Variants in YAP1 observed in about 807,000 individuals in gnomAD.
YAP1 encodes the protein Yes1 associated transcriptional regulator.
YAP1 carries 5 observed loss-of-function variants against 56.9 expected under a neutral mutation model. The ratio of observed to expected loss-of-function variants is 0.09; its 90% CI spans 0.05 to 0.18. YAP1 has a LOEUF of 0.18. Among genes scored for constraint, YAP1 ranks in the 10% least tolerant of loss-of-function variants. The pLI, the probability that YAP1 is intolerant of heterozygous loss-of-function variation, is 1.00. For missense variants in YAP1, 539 were observed against 651.8 expected (o/e 0.83, Z 1.88); for synonymous variants, 265 against 248.1 (o/e 1.07, Z -0.64).
chr11:102,212,536 A>G (rs1949452141), intron 6 of YAP1, among the ~76,000 whole-genome samples: 1 of 152,130 alleles, frequency 6.6e-6, no homozygotes, highest in African/African-American at 2.4e-5. Flanking sequence ...AGGATTTTGG[A>G]AAAATTCATC....
chr11:102,114,525 G>C, intron 2 of YAP1, 131 bp downstream of exon 2: 1 of 1,134,642 alleles, frequency 8.8e-7, no homozygotes, highest in Non-Finnish European at 1.2e-6. Context: ...AAGCTCTGTA[G>C]CTCTATCTTC....
At position 102,232,285 on chromosome 11, in the gene YAP1, G is replaced by T. The variant is rs1176403305; in HGVS notation, c.*2345G>T. ...GGGGAGGGTGGGAAAGTTTGGGGGG[G>T]GGGTTGTGAAGATTTAGGGGGACCT... On this transcript the variant is annotated 3_prime_UTR_variant, in exon 9 of 9. Transcript: ENST00000282441. 6.8e-6 allele frequency: 1 copy of T among 146,892 alleles called. No homozygotes were observed. Among genetic ancestry groups the T allele is most frequent in the South Asian group, 2.3e-4 (1 of 4,362 alleles). 9.1% of individuals were successfully genotyped at this position (146,892 alleles called of 1,614,324 possible).
intron 1 of YAP1, chr11:102,112,750 G>T: frequency 1.0e-6 from 1 of 985,380 alleles, no homozygotes; most frequent in Non-Finnish European, 1.2e-6. Context: ...TCTTAGGTAT[G>T]CTTTTTTCTC....
At chr11:102,227,363 C>G (rs971107423) in intron 7 of YAP1, 106 bp from the exon 8 acceptor site, 15 of 773,884 alleles carry the variant, frequency 1.9e-5, no homozygotes, top group Non-Finnish European at 3.2e-5. Context: ...GGAATTTTCA[C>G]TAATCCTCTT....
intron 2 of YAP1, among the ~76,000 whole-genome samples, chr11:102,129,795 CT>C (rs773044206): frequency 0.012 from 1,243 of 102,044 alleles, 7 homozygotes; most frequent in African/African-American, 0.026. Context: ...GGAAGCAAAA[CT>C]TTTTTTTTTT....
At chr11:102,228,970 T>A (rs1950336320) in intron 8 of YAP1, among the ~76,000 whole-genome samples, 1 of 152,212 alleles carries the variant, frequency 6.6e-6, no homozygotes, top group South Asian at 2.1e-4. Flanking sequence ...TAGGAGCCAC[T>A]TCAAACCCAT....
Position 102,209,507 on chromosome 11 carries a change from T to C in YAP1, c.985-10T>C. On this transcript the variant is annotated splice_polypyrimidine_tract_variant and intron_variant, in intron 5 of 8. Transcript: ENST00000282441. ...AAGTAATTTTTATCCGTCTTATTTT[T>C]TACTCTTAGGCAATGCGGAATATCA... The C allele has an allele frequency of 6.2e-7, 1 of 1,604,852 alleles. No individual in the cohort carries two copies. The highest frequency in any genetic ancestry group is 1.1e-5 in the South Asian group (1 of 89,470).
intron 4 of YAP1, chr11:102,186,639 CT>C (rs1176569158): frequency 6.6e-6 from 1 of 152,480 alleles, no homozygotes; most frequent in Non-Finnish European, 1.5e-5. Context: ...ATTTTGCCCC[CT>C]CTTCTGTCTC....
chr11:102,227,773 A>G (rs1435666116), intron 8 of YAP1, among the ~76,000 whole-genome samples, 192 bp downstream of exon 8: 2 of 152,204 alleles, frequency 1.3e-5, no homozygotes, highest in Non-Finnish European at 2.9e-5. Context: ...TTAAAAAAAT[A>G]TATATCATGG....
At chr11:102,153,432 G>A (rs1945774821) in intron 2 of YAP1, among the ~76,000 whole-genome samples, 2 of 152,168 alleles carry the variant, frequency 1.3e-5, no homozygotes, top group Non-Finnish European at 2.9e-5. Flanking sequence ...AAAAAGGATA[G>A]CAGAGAAATC....
At chr11:102,187,091 C>T (rs1395811496) in intron 4 of YAP1, among the ~76,000 whole-genome samples, 1 of 152,084 alleles carries the variant, frequency 6.6e-6, no homozygotes, top group Non-Finnish European at 1.5e-5. Flanking sequence ...GGAATTAACT[C>T]TGTGAATGCC....
At chr11:102,175,917 G>C (rs1273837315) in intron 3 of YAP1, among the ~76,000 whole-genome samples, 1 of 152,174 alleles carries the variant, frequency 6.6e-6, no homozygotes, top group Non-Finnish European at 1.5e-5. Context: ...CAGCAAATTT[G>C]TATATAACTA....
In YAP1 at chr11:102,205,971, T is replaced by C. The variant is rs959429330; in HGVS notation, c.881T>C (p.Val294Ala). 2 of 1,613,356 alleles carry C rather than the reference T, an allele frequency of 1.2e-6. No individual in the cohort carries two copies. The highest frequency in any genetic ancestry group is 1.7e-6 in the Non-Finnish European group (2 of 1,179,890). ...PLAPQSPQGG[V>A]MGGSNSNQQQ... ...GCTCCCCAGAGCCCACAGGGAGGCGTCATGGGTGGCAGCAACTCCAACCAG... is the reference window on the plus strand; with the variant it reads ...GCTCCCCAGAGCCCACAGGGAGGCGCCATGGGTGGCAGCAACTCCAACCAG... Residue 294 changes from valine to alanine, a missense_variant, in exon 5 of 9, where the codon GTC becomes GCC. Around this residue, in one of 4 missense-constraint regions of YAP1, gnomAD observed 414 missense variants for 512.4 expected, o/e 0.81. Transcript: ENST00000282441.
chr11:102,205,813 T>A, intron 4 of YAP1, 80 bp from the exon 5 acceptor site: 1 of 1,361,966 alleles, frequency 7.3e-7, no homozygotes, highest in Non-Finnish European at 9.6e-7. Flanking sequence ...TATCCCAAAT[T>A]GCTTTTGAAT....
chr11:102,126,953 C>T (rs1591150814), intron 2 of YAP1, among the ~76,000 whole-genome samples: 1 of 152,168 alleles, frequency 6.6e-6, no homozygotes, highest in African/African-American at 2.4e-5. Context: ...TGGCAGTTTG[C>T]CCTTGCCCTA....
At chr11:102,126,873 G>A (rs1944064298) in intron 2 of YAP1, among the ~76,000 whole-genome samples, 1 of 152,228 alleles carries the variant, frequency 6.6e-6, no homozygotes, top group Admixed American at 6.5e-5. Context: ...GGTGGTCTCA[G>A]ATGGAAATGA....
chr11:102,184,615 C>T (rs1261850703), intron 3 of YAP1, among the ~76,000 whole-genome samples: 17 of 152,288 alleles, frequency 1.1e-4, no homozygotes, highest in Admixed American at 2.0e-4. Flanking sequence ...GTTCCTAATA[C>T]GAATGAAACT....
At chr11:102,162,640 A>T (rs1946359320) in intron 3 of YAP1, 69 bp downstream of exon 3, 4 of 1,455,244 alleles carry the variant, frequency 2.7e-6, no homozygotes, top group Non-Finnish European at 3.9e-6. Context: ...GATGTGGAAA[A>T]TAGTCATTAC....
intron 8 of YAP1, among the ~76,000 whole-genome samples, chr11:102,227,964 C>T (rs1348791595): frequency 6.6e-6 from 1 of 150,684 alleles, no homozygotes; most frequent in Non-Finnish European, 1.5e-5. Context: ...CCCAGCTACT[C>T]AGGAGGCTGA....
Sources: gnomAD v4.1 joint callset for allele counts (sites outside exome capture counted in the v4.1 genomes callset) on GRCh38, gnomAD v4.1.1 for gene constraint, gnomAD v4.1.1 regional missense constraint, MANE v1.5 for transcripts, NCBI Gene and HGNC (gene_info 2026-07-23, HGNC 2026-07-21) for gene names.